The following AKT1 variants were observed in gnomAD, a reference collection of about 807,000 sequenced individuals.
The protein encoded by AKT1 is AKT serine/threonine kinase 1.
AKT1 carries 21 observed loss-of-function variants against 63.1 expected under a neutral mutation model. That is an observed-to-expected ratio of 0.33 (90% CI 0.24 to 0.48). The LOEUF (loss-of-function observed/expected upper bound fraction) is 0.48, where lower values mean the gene tolerates loss of function less well. Ranked by LOEUF, AKT1 falls within the 20% of genes least tolerant of loss-of-function variation. AKT1 has a pLI of 0.99. For synonymous variants in AKT1, 257 were observed against 253.1 expected, an observed-to-expected ratio of 1.02 and a Z score of -0.15; for missense variants, 382 against 666.0, an observed-to-expected ratio of 0.57 and a Z score of 4.69.
intron 3 of AKT1, among the ~76,000 whole-genome samples, chr14:104,783,302 G>GC (rs1566822681): frequency 6.6e-6 from 1 of 152,092 alleles, no homozygotes; most frequent in Non-Finnish European, 1.5e-5. Flanking sequence ...GTCCTCAGAT[G>GC]CCCCCCACTC....
Position 104,775,817 on chromosome 14 carries a change from A to C in AKT1, c.288-18T>G. The C allele has an allele frequency of 5.0e-6, 8 of 1,612,366 alleles. No homozygotes were observed. Among genetic ancestry groups the C allele is most frequent in the Non-Finnish European group, 6.8e-6 (8 of 1,179,320 alleles). The stretch of plus-strand genomic sequence containing the variant: ...ACTCCTCCCTGCAGGAGGTCAGGTG[A>C]GGCTGCAGGCCTGTACCAGATCAGG... On this transcript the variant is annotated intron_variant, in intron 5 of 14. Coordinates refer to ENST00000649815, the MANE Select transcript of AKT1 (RefSeq NM_001382430.1).
intron 13 of AKT1, chr14:104,772,098 G>C (rs1398832872): frequency 3.5e-6 from 2 of 565,918 alleles, no homozygotes; most frequent in East Asian, 2.9e-5. Context: ...CCTCCGAGGG[G>C]AGGAGGAAAC....
At chr14:104,785,909 C>T (rs145148426) in intron 3 of AKT1, among the ~76,000 whole-genome samples, 6 of 152,204 alleles carry the variant, frequency 3.9e-5, no homozygotes, top group Non-Finnish European at 8.8e-5. Flanking sequence ...TTTCCATTCT[C>T]CTGGGGCTCT....
At chr14:104,788,823 C>A (rs1893471581) in intron 3 of AKT1, among the ~76,000 whole-genome samples, 3 of 152,166 alleles carry the variant, frequency 2.0e-5, no homozygotes, top group Admixed American at 2.0e-4. Context: ...GGTGAGGGGG[C>A]TGCCCTGAGG....
intron 3 of AKT1, among the ~76,000 whole-genome samples, chr14:104,789,108 A>T (rs1478849296): frequency 6.6e-6 from 1 of 152,310 alleles, no homozygotes; most frequent in African/African-American, 2.4e-5. Flanking sequence ...CCAGGCCTGC[A>T]GCTCTTCCCC....
Position 104,769,452 on chromosome 14 carries a change from A to G in AKT1, c.*889T>C, listed in dbSNP as rs773176237. 5 of 438,898 alleles carry G rather than the reference A, an allele frequency of 1.1e-5. No individual in the cohort carries two copies. Among genetic ancestry groups the G allele is most frequent in the Admixed American group, 3.8e-5 (1 of 26,522 alleles). 27.2% of individuals were successfully genotyped at this position (438,898 alleles called of 1,614,324 possible). On this transcript the variant is annotated 3_prime_UTR_variant, in exon 15 of 15. Coordinates refer to ENST00000649815, the MANE Select transcript of AKT1 (RefSeq NM_001382430.1). ...ATGTTGTAAAAAAACGCCGTGGTGC[A>G]GCGGCAGCGGCAGCGTCTGGCCAGG...
rs552967868 is a variant in AKT1, at chr14:104,783,716, C to T, written c.47-3500G>A. ...AGCCACTCCCAAGGGCAATGGAGAC[C>T]GCCCAGCATTCAGGCCCAGGGGGCC... On this transcript the variant is annotated intron_variant, in intron 3 of 14. Coordinates refer to ENST00000649815, the MANE Select transcript of AKT1 (RefSeq NM_001382430.1). Among the ~76,000 whole-genome samples, 134 of 152,248 alleles carry T rather than the reference C, an allele frequency of 8.8e-4. 1 individual carries two copies. The highest frequency in any genetic ancestry group is 3.1e-3 in the African/African-American group (127 of 41,546).
intron 3 of AKT1, among the ~76,000 whole-genome samples, chr14:104,783,136 G>A (rs1372517587): frequency 6.6e-6 from 1 of 152,076 alleles, no homozygotes; most frequent in East Asian, 1.9e-4. Context: ...CCTCAGGAGG[G>A]TGGGAGCACA....
chr14:104,777,848 G>T, intron 4 of AKT1: 1 of 360,572 alleles, frequency 2.8e-6, no homozygotes, highest in Non-Finnish European at 3.9e-6. Flanking sequence ...CTGGTGGGGA[G>T]GGTGGCCTGT....
intron 4 of AKT1, chr14:104,777,551 C>A (rs1332908597): frequency 3.0e-6 from 3 of 1,016,330 alleles, no homozygotes; most frequent in Non-Finnish European, 3.5e-6. Context: ...GGCACAAGCA[C>A]ACCTGGGGAA....
At position 104,795,184 on chromosome 14, in the gene AKT1, C is replaced by G. The variant is rs1457125776; in HGVS notation, c.-258+300G>C. 6.6e-6 allele frequency: 1 copy of G among 152,020 alleles called. No individual in the cohort carries two copies. The highest frequency in any genetic ancestry group is 1.5e-5 in the Non-Finnish European group (1 of 67,986). 9.4% of individuals were successfully genotyped at this position (152,020 alleles called of 1,614,324 possible). On this transcript the variant is annotated intron_variant, in intron 1 of 14. Transcript: ENST00000649815. The surrounding 1 kb of genome is among the most constrained non-coding windows in gnomAD (Gnocchi z 5.1). ...GCACCCCGAGCCCCAGCTCCAGGCC[C>G]GGCGGCGTCCCTTCTCTCGGGTCCC... is the stretch of plus-strand genomic sequence containing the variant.
intron 3 of AKT1, among the ~76,000 whole-genome samples, chr14:104,791,838 A>G (rs549828965): frequency 6.6e-6 from 1 of 152,342 alleles, no homozygotes; most frequent in South Asian, 2.1e-4. Flanking sequence ...CCTGGGGCAG[A>G]AGAGAGTGAC....
In AKT1 at chr14:104,769,861, A is replaced by C; in HGVS notation, c.*480T>G. On this transcript the variant is annotated 3_prime_UTR_variant, in exon 15 of 15. Transcript: ENST00000649815. The stretch of plus-strand genomic sequence containing the variant: ...GGGCTGCTGTGTGCCTGCCACCCCC[A>C]GGAGAGGGTGCTGGCCAGCATACCA... 5 of 384,620 alleles carry C rather than the reference A, an allele frequency of 1.3e-5. No individual in the cohort carries two copies. Among genetic ancestry groups the C allele is most frequent in the South Asian group, 1.3e-4 (5 of 39,738 alleles). The allele number at this position is 384,620 out of a possible 1,614,324, so 23.8% of individuals were successfully genotyped here.
At chr14:104,776,002 G>C (rs1892682406) in intron 5 of AKT1, 2 of 587,178 alleles carry the variant, frequency 3.4e-6, no homozygotes, top group Non-Finnish European at 5.9e-6. Flanking sequence ...GGACACCCAG[G>C]CTTAGCCCCC....
intron 3 of AKT1, among the ~76,000 whole-genome samples, chr14:104,780,703 C>T (rs552437041): frequency 6.7e-6 from 1 of 149,816 alleles, no homozygotes; most frequent in Non-Finnish European, 1.5e-5. Context: ...GTGGGCTGCC[C>T]AGCATGGCCG....
intron 6 of AKT1, 27 bp from the exon 7 acceptor site, chr14:104,775,234 G>A (rs1042257167): frequency 6.2e-7 from 1 of 1,612,084 alleles, no homozygotes; most frequent in Non-Finnish European, 8.5e-7. Flanking sequence ...GGGTCAGCAA[G>A]CGGCGCTGCC....
chr14:104,774,783 C>T, intron 8 of AKT1, 155 bp downstream of exon 8: 1 of 834,700 alleles, frequency 1.2e-6, no homozygotes, highest in Non-Finnish European at 1.8e-6. Context: ...CCTCCACAGC[C>T]TGACCCTCCA....
At chr14:104,789,354 T>A (rs1427066929) in intron 3 of AKT1, among the ~76,000 whole-genome samples, 1 of 152,218 alleles carries the variant, frequency 6.6e-6, no homozygotes, top group African/African-American at 2.4e-5. Context: ...AGGCCGGGGC[T>A]GCACCAGGGC....
In AKT1 at chr14:104,773,917, C is replaced by T; in HGVS notation, c.697G>A (p.Gly233Ser). 6.2e-7 allele frequency: 1 copy of T among 1,609,756 alleles called. No homozygotes were observed. The highest frequency in any genetic ancestry group is 2.2e-5 in the East Asian group (1 of 44,738). ...LCFVMEYANG[G>S]ELFFHLSRER... is the part of the protein sequence containing the mutation. Reference sequence around the variant, plus strand: ...CCCGCAGCCCCAGCCCCTACCTCGCCCCCGTTGGCGTACTCCATGACAAAG... The same window carrying T: ...CCCGCAGCCCCAGCCCCTACCTCGCTCCCGTTGGCGTACTCCATGACAAAG... The change falls in exon 9 of 15, where the codon GGC becomes AGC. Residue 233 changes from glycine to serine, a missense_variant. Physicochemically the swap from Gly to Ser is moderately conservative, Grantham distance 56. Transcript: ENST00000649815.
Sources: allele counts gnomAD v4.1 joint callset (sites outside exome capture counted in the v4.1 genomes callset), GRCh38; gene constraint gnomAD v4.1.1; non-coding constraint Gnocchi (gnomAD v3.1); transcripts MANE v1.5; gene names NCBI Gene and HGNC (gene_info 2026-07-23, HGNC 2026-07-21).